GDPD5: variants seen among roughly 807,000 people sequenced by gnomAD.
GDPD5 encodes the protein glycerophosphodiester phosphodiesterase domain containing 5.
GDPD5 carries 48 observed loss-of-function variants against 75.1 expected under a neutral mutation model. That is an observed-to-expected ratio of 0.64 (90% CI 0.51 to 0.81). GDPD5 has a LOEUF of 0.81. Among genes scored for constraint, GDPD5 ranks in the 40% least tolerant of loss-of-function variants. The pLI, the probability that GDPD5 is intolerant of heterozygous loss-of-function variation, is 0.00. For synonymous variants in GDPD5, 336 were observed against 339.0 expected (o/e 0.99, Z 0.10); for missense variants, 706 against 822.6 (o/e 0.86, Z 1.73).
intron 1 of GDPD5, among the ~76,000 whole-genome samples, chr11:75,521,835 G>C (rs1941469383): frequency 6.6e-6 from 1 of 152,106 alleles, no homozygotes; most frequent in Admixed American, 6.5e-5. Context: ...GCCACATGTG[G>C]TGTGTTTAGG....
chr11:75,442,515 T>TG lies in GDPD5; in HGVS notation c.1014dup (p.Ile339HisfsTer23), dbSNP rs1368316971. Reference sequence around the variant, plus strand: ...TCCAGGAGCTCTGCCAGGCTGCAGATGGACTGGTTCTGGGCCTCTCTGTGG... The same window carrying TG: ...TCCAGGAGCTCTGCCAGGCTGCAGATGGGACTGGTTCTGGGCCTCTCTGTGG... On this transcript the variant is annotated frameshift_variant, in exon 12 of 17. Transcript: ENST00000336898. LOFTEE classifies it high-confidence loss of function. The TG allele has an allele frequency of 1.2e-6, 2 of 1,614,114 alleles. No individual in the cohort carries two copies. Among genetic ancestry groups the TG allele is most frequent in the Non-Finnish European group, 1.7e-6 (2 of 1,180,020 alleles).
chr11:75,436,926 G>A lies in GDPD5; in HGVS notation c.1669+10C>T. Reference sequence around the variant, plus strand: ...AGGGCCTGCCTCCACCTGTCTGCAGGGCTGTGTACCTGAGAAAATAAGCTT... The same window carrying A: ...AGGGCCTGCCTCCACCTGTCTGCAGAGCTGTGTACCTGAGAAAATAAGCTT... On this transcript the variant is annotated intron_variant, in intron 16 of 16. Coordinates refer to ENST00000336898, the MANE Select transcript of GDPD5 (RefSeq NM_030792.8). 3 of 1,607,558 alleles carry A rather than the reference G, an allele frequency of 1.9e-6. No homozygotes were observed. In the African/African-American group the frequency reaches 4.0e-5, roughly 21 times the overall value.
At chr11:75,467,228 C>T (rs530947295) in intron 3 of GDPD5, among the ~76,000 whole-genome samples, 4 of 152,326 alleles carry the variant, frequency 2.6e-5, no homozygotes, top group East Asian at 3.9e-4. Flanking sequence ...CCCTCTGAGC[C>T]TCGGTCTCCT....
intron 1 of GDPD5, among the ~76,000 whole-genome samples, chr11:75,509,760 A>C (rs1030211633): frequency 1.3e-5 from 2 of 152,058 alleles, no homozygotes; most frequent in Non-Finnish European, 2.9e-5. Context: ...GCTCACTGCA[A>C]TCTCCGCCTC....
At chr11:75,467,679 G>A (rs1949548808) in intron 3 of GDPD5, among the ~76,000 whole-genome samples, 7 of 152,094 alleles carry the variant, frequency 4.6e-5, no homozygotes, top group Admixed American at 4.6e-4. Context: ...GCCCCTGGCT[G>A]TGGATGGGGT....
chr11:75,475,645 C>T (rs12286889), intron 3 of GDPD5, among the ~76,000 whole-genome samples: 1 of 152,140 alleles, frequency 6.6e-6, no homozygotes, highest in Non-Finnish European at 1.5e-5. Flanking sequence ...AAGTGAGCGA[C>T]TGCAGGGAGA....
At chr11:75,441,114 T>C (rs117143578) in intron 14 of GDPD5, 49 bp downstream of exon 14, 28,188 of 1,583,784 alleles carry the variant, frequency 0.018, 368 homozygotes, top group Non-Finnish European at 0.02. Context: ...GGGCAGGCTA[T>C]AGGCAGCTCC....
intron 3 of GDPD5, among the ~76,000 whole-genome samples, chr11:75,470,057 G>A (rs949996723): frequency 1.3e-5 from 2 of 152,298 alleles, no homozygotes; most frequent in African/African-American, 2.4e-5. Context: ...CTCAGAGCCC[G>A]GATCCTTAAC....
At position 75,442,516 on chromosome 11, in the gene GDPD5, G is replaced by T. The variant is rs1423128528; in HGVS notation, c.1014C>A (p.Ser338=). 1.2e-6 allele frequency: 2 copies of T among 1,614,164 alleles called. No homozygotes were observed. Among genetic ancestry groups the T allele is most frequent in the Non-Finnish European group, 1.7e-6 (2 of 1,180,022 alleles). The change falls in exon 12 of 17, where the codon TCC becomes TCA. Residue 338 remains serine, a synonymous_variant. Coordinates refer to ENST00000336898, the MANE Select transcript of GDPD5 (RefSeq NM_030792.8). The part of the protein sequence containing the change: ...PSDHREAQNQ[S]ICSLAELLEL... Reference sequence around the variant, plus strand: ...CCAGGAGCTCTGCCAGGCTGCAGATGGACTGGTTCTGGGCCTCTCTGTGGT... The same window carrying T: ...CCAGGAGCTCTGCCAGGCTGCAGATTGACTGGTTCTGGGCCTCTCTGTGGT...
intron 6 of GDPD5, among the ~76,000 whole-genome samples, chr11:75,454,526 C>T (rs1949242599): frequency 6.6e-6 from 1 of 152,234 alleles, no homozygotes; most frequent in Non-Finnish European, 1.5e-5. Context: ...TGGCAAAAGA[C>T]AGAAAGCAGC....
chr11:75,441,026 G>T (rs1948782142), intron 14 of GDPD5, 137 bp downstream of exon 14: 1 of 813,576 alleles, frequency 1.2e-6, no homozygotes, highest in Non-Finnish European at 2.0e-6. Flanking sequence ...CCTCAAGCCT[G>T]CACGCCCACC....
Position 75,441,667 on chromosome 11 carries a change from TGA to T in GDPD5, c.1302_1303del (p.Gln435GlyfsTer41), listed in dbSNP as rs773541259. 6.3e-7 allele frequency: 1 copy of T among 1,594,594 alleles called. No homozygotes were observed. Among genetic ancestry groups the T allele is most frequent in the Non-Finnish European group, 8.5e-7 (1 of 1,171,672 alleles). On this transcript the variant is annotated frameshift_variant, in exon 13 of 17. Coordinates refer to ENST00000336898, the MANE Select transcript of GDPD5 (RefSeq NM_030792.8). LOFTEE classifies it high-confidence loss of function. The stretch of plus-strand genomic sequence containing the variant: ...GCACCTGAGCTCCTGGCGGGACACC[TGA>T]GTGTAGCGCAGGTTCAGCCGCTGGA...
chr11:75,457,243 G>C (rs181193633), intron 5 of GDPD5, among the ~76,000 whole-genome samples: 59 of 152,336 alleles, frequency 3.9e-4, no homozygotes, highest in African/African-American at 1.4e-3. Context: ...TGAAGCAGAG[G>C]CTCCTGGAAG....
chr11:75,477,583 A>C, intron 3 of GDPD5, 36 bp downstream of exon 3: 1 of 1,404,052 alleles, frequency 7.1e-7, no homozygotes, highest in Non-Finnish European at 9.7e-7. Flanking sequence ...GCTGGGGCTC[A>C]CTGGGTCCCT....
Position 75,444,507 on chromosome 11 carries a change from G to C in GDPD5, c.715-12C>G. On this transcript the variant is annotated splice_polypyrimidine_tract_variant and intron_variant, in intron 9 of 16. Coordinates refer to ENST00000336898, the MANE Select transcript of GDPD5 (RefSeq NM_030792.8). ...TGCTCTGGAGCCAGCTGGGGAAGAA[G>C]GGGTGGTGAAGGGAGAGCCAAGATT... 2.5e-6 allele frequency: 4 copies of C among 1,609,288 alleles called. No individual in the cohort carries two copies. The highest frequency in any genetic ancestry group is 1.3e-5 in the African/African-American group (1 of 74,982).
At chr11:75,437,129 T>C (rs1948647367) in intron 15 of GDPD5, 81 bp from the exon 16 acceptor site, 6 of 1,024,234 alleles carry the variant, frequency 5.9e-6, no homozygotes, top group Non-Finnish European at 9.0e-6. Context: ...CCAGAGCCTC[T>C]CTGGATGTGG....
chr11:75,494,119 C>A (rs905348650), intron 1 of GDPD5, among the ~76,000 whole-genome samples: 7 of 151,446 alleles, frequency 4.6e-5, no homozygotes, highest in African/African-American at 1.7e-4. Flanking sequence ...ATGGGTATAG[C>A]TTTAATTTTA....
At chr11:75,448,949 G>A in intron 9 of GDPD5, 28 bp downstream of exon 9, 2 of 1,534,686 alleles carry the variant, frequency 1.3e-6, no homozygotes, top group Non-Finnish European at 1.7e-6. Context: ...CCCCAACGGG[G>A]CTGTTAGGAC....
At chr11:75,511,031 G>C (rs572848490) in intron 1 of GDPD5, among the ~76,000 whole-genome samples, 27 of 152,332 alleles carry the variant, frequency 1.8e-4, no homozygotes, top group African/African-American at 6.0e-4. Flanking sequence ...GCACTGTGGG[G>C]GAAAAATGAA....
Sources: allele counts gnomAD v4.1 joint callset (sites outside exome capture counted in the v4.1 genomes callset), GRCh38; gene constraint gnomAD v4.1.1; transcripts MANE v1.5; gene names NCBI Gene and HGNC (gene_info 2026-07-23, HGNC 2026-07-21).